Variants in CACNA1C observed in about 807,000 individuals in gnomAD.
CACNA1C encodes calcium voltage-gated channel subunit alpha1 C.
A neutral mutation model predicts 229.0 loss-of-function variants in CACNA1C; 30 were observed. The observed-to-expected ratio is 0.13, with a 90% confidence interval of 0.10 to 0.18. The LOEUF (loss-of-function observed/expected upper bound fraction) is 0.18, where lower values mean the gene tolerates loss of function less well. Ranked by LOEUF, CACNA1C falls within the 10% of genes least tolerant of loss-of-function variation. The pLI is 1.00. For missense variants in CACNA1C, 1,658 were observed against 2,845.0 expected, an observed-to-expected ratio of 0.58 and a Z score of 9.49; for synonymous variants, 1,114 against 1,132.5, an observed-to-expected ratio of 0.98 and a Z score of 0.33.
At chr12:2,391,113 G>A (rs1453213915) in intron 3 of CACNA1C, among the ~76,000 whole-genome samples, 9 of 152,164 alleles carry the variant, frequency 5.9e-5, no homozygotes, top group Non-Finnish European at 1.0e-4. Flanking sequence ...AAAATGCCAA[G>A]ATCACACAAG....
Position 2,694,343 on chromosome 12 carries a change from C to T in CACNA1C, c.*3144C>T, listed in dbSNP as rs1385751715. On this transcript the variant is annotated 3_prime_UTR_variant, in exon 47 of 47. Coordinates refer to ENST00000399655, the MANE Select transcript of CACNA1C (RefSeq NM_000719.7). ...TAATTGTCACATCTTCCATACCCCT[C>T]CTGACAGCCCCCAAGTGTCAGGAGA... 2 of 152,206 alleles carry T rather than the reference C, an allele frequency of 1.3e-5. No individual in the cohort carries two copies. The highest frequency in any genetic ancestry group is 4.8e-5 in the African/African-American group (2 of 41,450). The allele number at this position is 152,206 out of a possible 1,614,324, so 9.4% of individuals were successfully genotyped here.
chr12:2,631,267 CCT>C (rs1436466318), intron 29 of CACNA1C, among the ~76,000 whole-genome samples: 1 of 152,162 alleles, frequency 6.6e-6, no homozygotes, highest in Non-Finnish European at 1.5e-5. Flanking sequence ...CTCACACCTT[CCT>C]CTCTCTCCTC....
At chr12:2,392,826 G>A (rs547177035) in intron 3 of CACNA1C, among the ~76,000 whole-genome samples, 8 of 152,254 alleles carry the variant, frequency 5.3e-5, no homozygotes, top group African/African-American at 1.9e-4. Flanking sequence ...TGGCCCCATC[G>A]CACATGGATG....
intron 3 of CACNA1C, among the ~76,000 whole-genome samples, chr12:2,194,958 A>G (rs972914950): frequency 1.1e-4 from 17 of 152,342 alleles, no homozygotes; most frequent in African/African-American, 3.8e-4. Context: ...AACACTGACT[A>G]GGATGTCTTT....
At chr12:1,972,236 T>C (rs556879977) in intron 1 of CACNA1C, among the ~76,000 whole-genome samples, 1 of 152,376 alleles carries the variant, frequency 6.6e-6, no homozygotes, top group South Asian at 2.1e-4. Flanking sequence ...ACTCCACTCC[T>C]TTCATGAAGT....
intron 10 of CACNA1C, 37 bp from the exon 11 acceptor site, chr12:2,556,914 G>C: frequency 4.4e-6 from 7 of 1,592,762 alleles, no homozygotes; most frequent in African/African-American, 1.3e-5. Context: ...GCACGTGTGT[G>C]TCCATCCTTT....
intron 1 of CACNA1C, among the ~76,000 whole-genome samples, chr12:1,974,779 C>G (rs2033776936): frequency 6.6e-6 from 1 of 152,186 alleles, no homozygotes; most frequent in Non-Finnish European, 1.5e-5. Context: ...ATTCCAGCAA[C>G]ACACTGACAA....
chr12:2,151,240 G>A (rs1263771566), intron 3 of CACNA1C, among the ~76,000 whole-genome samples: 1 of 151,914 alleles, frequency 6.6e-6, no homozygotes, highest in Non-Finnish European at 1.5e-5. Flanking sequence ...TTTACAGAAT[G>A]AGGAAACTGA....
chr12:2,059,734 A>G (rs549298924), intron 1 of CACNA1C, among the ~76,000 whole-genome samples: 21 of 152,308 alleles, frequency 1.4e-4, no homozygotes, highest in African/African-American at 4.8e-4. Context: ...CTTAGAGACA[A>G]TCCTCATTTC....
intron 9 of CACNA1C, among the ~76,000 whole-genome samples, chr12:2,517,890 T>G (rs7308117): frequency 0.017 from 2,607 of 152,344 alleles, 91 homozygotes; most frequent in African/African-American, 0.06. Context: ...CTATTAAATA[T>G]CCATCCTTAC....
intron 3 of CACNA1C, among the ~76,000 whole-genome samples, chr12:2,139,290 G>A (rs2093892893): frequency 6.6e-6 from 1 of 151,098 alleles, no homozygotes; most frequent in Non-Finnish European, 1.5e-5. Context: ...TTGTGTCTCT[G>A]TGTCCAGCTT....
intron 3 of CACNA1C, among the ~76,000 whole-genome samples, chr12:2,278,804 C>A (rs906275936): frequency 2.0e-5 from 3 of 152,192 alleles, no homozygotes; most frequent in African/African-American, 7.2e-5. Flanking sequence ...TAAGAAGTTG[C>A]CAAACTCTTT....
chr12:2,050,029 A>G (rs917249048), upstream of CACNA1C, among the ~76,000 whole-genome samples: 4 of 152,270 alleles, frequency 2.6e-5, no homozygotes, highest in African/African-American at 9.6e-5. Context: ...TGCTAGATTT[A>G]TACAGTGCCT....
intron 3 of CACNA1C, among the ~76,000 whole-genome samples, chr12:2,203,869 AC>A (rs1487592014): frequency 2.6e-5 from 4 of 152,176 alleles, no homozygotes; most frequent in African/African-American, 4.8e-5. Context: ...CTATAGGCCT[AC>A]TTCTGGCCAA....
At chr12:2,621,407 CG>C (rs2153504584) in intron 29 of CACNA1C, among the ~76,000 whole-genome samples, 1 of 152,260 alleles carries the variant, frequency 6.6e-6, no homozygotes, top group African/African-American at 2.4e-5. Flanking sequence ...AAGCTCAGCT[CG>C]CTCTGGAAAC....
intron 3 of CACNA1C, among the ~76,000 whole-genome samples, chr12:2,378,332 C>T (rs1034856726): frequency 5.9e-5 from 9 of 152,106 alleles, no homozygotes; most frequent in Non-Finnish European, 1.0e-4. Flanking sequence ...TGGATGGGTT[C>T]GAATGCCAGA....
chr12:2,648,718 G>A (rs1445190320), intron 31 of CACNA1C, among the ~76,000 whole-genome samples: 3 of 152,188 alleles, frequency 2.0e-5, no homozygotes, highest in African/African-American at 7.2e-5. Context: ...TTACCCCTGA[G>A]CTTTCCTTGG....
chr12:2,618,127 C>T lies in CACNA1C; in HGVS notation c.3828+6114C>T, dbSNP rs527244667. Among the ~76,000 whole-genome samples, 181 of 152,230 alleles carry T rather than the reference C, an allele frequency of 1.2e-3. 1 individual carries two copies. The highest frequency in any genetic ancestry group is 4.1e-3 in the African/African-American group (172 of 41,538). ...CTGTTTTAGGTGTTGGAGTCTGTGG[C>T]GCCAGGAGTGAGCTGCTCCCAGGAA... On this transcript the variant is annotated intron_variant, in intron 29 of 46. Transcript: ENST00000399655.
In CACNA1C at chr12:2,667,658, C is replaced by T. The variant is rs182476791; in HGVS notation, c.4623+876C>T. ...TGCAAGGCAAGGGTGGGGAGGGGTGCAGCCTGGAGGGGGCTAAAGTGCGTC... is the reference window on the plus strand; with the variant it reads ...TGCAAGGCAAGGGTGGGGAGGGGTGTAGCCTGGAGGGGGCTAAAGTGCGTC... On this transcript the variant is annotated intron_variant, in intron 37 of 46. Coordinates refer to ENST00000399655, the MANE Select transcript of CACNA1C (RefSeq NM_000719.7). Among the ~76,000 whole-genome samples, 11 of 152,278 alleles carry T rather than the reference C, an allele frequency of 7.2e-5. No homozygotes were observed. The East Asian group carries it at 1.4e-3, about 19-fold the overall frequency.
Sources: gnomAD v4.1 joint callset for allele counts (sites outside exome capture counted in the v4.1 genomes callset) on GRCh38, gnomAD v4.1.1 for gene constraint, MANE v1.5 for transcripts, NCBI Gene and HGNC (gene_info 2026-07-23, HGNC 2026-07-21) for gene names.